MPP4: variants seen among roughly 807,000 people sequenced by gnomAD.
MPP4 encodes the protein MAGUK p55 subfamily member 4.
In MPP4, 91 loss-of-function variants were observed where a neutral mutation model predicts 98.3. The ratio of observed to expected loss-of-function variants is 0.93; its 90% CI spans 0.78 to 1.10. MPP4 has a LOEUF of 1.10. Ranked by LOEUF, MPP4 falls within the 50% of genes least tolerant of loss-of-function variation. The pLI, the probability that MPP4 is intolerant of heterozygous loss-of-function variation, is 0.00. For synonymous variants in MPP4, 261 were observed against 271.8 expected, an observed-to-expected ratio of 0.96 and a Z score of 0.39; for missense variants, 744 against 792.9, an observed-to-expected ratio of 0.94 and a Z score of 0.74.
intron 11 of MPP4, among the ~76,000 whole-genome samples, chr2:201,670,864 C>T (rs1688322214): frequency 6.6e-6 from 1 of 152,184 alleles, no homozygotes; most frequent in African/African-American, 2.4e-5. Flanking sequence ...GTACCCAGCT[C>T]ATCTCACTGG....
Position 201,658,908 on chromosome 2 carries a change from C to T in MPP4, c.1088-390G>A, listed in dbSNP as rs111790415. 1.2e-3 allele frequency among the ~76,000 whole-genome samples: 178 copies of T among 152,086 alleles called. 1 individual carries two copies. The highest frequency in any genetic ancestry group is 4.2e-3 in the African/African-American group (173 of 41,474). On this transcript the variant is annotated intron_variant, in intron 15 of 21. Coordinates refer to ENST00000409474, the MANE Select transcript of MPP4 (RefSeq NM_033066.3). The stretch of plus-strand genomic sequence containing the variant: ...CATAAAGTAGCTTTTTGTTCTTCTC[C>T]CTCCCTGCCTACCCCCCTGCTGTTG...
rs552808697 is a variant in MPP4 at position 201,658,409 on chromosome 2, C to G, written c.1129+68G>C. Reference sequence around the variant, plus strand: ...TCATTAGCAAAAGAAACTTTCAAAACAGTGTCAGGTTTGGAAACATAATTT... The same window carrying G: ...TCATTAGCAAAAGAAACTTTCAAAAGAGTGTCAGGTTTGGAAACATAATTT... On this transcript the variant is annotated intron_variant, in intron 16 of 21. Transcript: ENST00000409474. The G allele has an allele frequency of 2.7e-5, 37 of 1,348,698 alleles. No individual in the cohort carries two copies. The South Asian group carries it at 3.6e-4, about 13-fold the overall frequency. 83.5% of individuals were successfully genotyped at this position (1,348,698 alleles called of 1,614,324 possible). A position where few individuals can be genotyped will look rare whatever the true frequency, so the allele number is the denominator to read the frequency against.
intron 13 of MPP4, chr2:201,664,335 A>G (rs1688107523): frequency 5.6e-6 from 8 of 1,427,604 alleles, no homozygotes; most frequent in Non-Finnish European, 7.5e-6. Context: ...GTGCAGCAGG[A>G]GCTCAAAATA....
chr2:201,681,644 G>T, intron 8 of MPP4, 77 bp from the exon 9 acceptor site: 3 of 1,051,668 alleles, frequency 2.9e-6, no homozygotes, highest in Non-Finnish European at 2.9e-6. Flanking sequence ...CAGAGTTACA[G>T]TGCAATGTAT....
rs1415073193 is a variant in MPP4 at position 201,657,611 on chromosome 2, T to G, written c.1129+866A>C. ...CCTTGTTTTTTTTTTGTTTTTTTGT[T>G]TTTTTTTGCTTATTGTATCAATCAA... is the stretch of plus-strand genomic sequence containing the variant. On this transcript the variant is annotated intron_variant, in intron 16 of 21. Coordinates refer to ENST00000409474, the MANE Select transcript of MPP4 (RefSeq NM_033066.3). 1.3e-4 allele frequency among the ~76,000 whole-genome samples: 14 copies of G among 111,792 alleles called. 1 individual carries two copies. Among genetic ancestry groups the G allele is most frequent in the African/African-American group, 5.2e-4 (14 of 27,138 alleles). The allele number at this position is 111,792 out of a possible 152,430, so 73.3% of individuals were successfully genotyped here.
Position 201,650,173 on chromosome 2 carries a change from A to G in MPP4, c.1382-8T>C, listed in dbSNP as rs1163499750. The G allele has an allele frequency of 6.4e-7, 1 of 1,556,026 alleles. No homozygotes were observed. The highest frequency in any genetic ancestry group is 8.7e-7 in the Non-Finnish European group (1 of 1,149,432). ...TTTTAGTACGAGTAGTGTCTATCAG[A>G]AAAAGGGAATGAAAGGTTTCAGTGT... On this transcript the variant is annotated splice_polypyrimidine_tract_variant and splice_region_variant and intron_variant, in intron 18 of 21. Coordinates refer to ENST00000409474, the MANE Select transcript of MPP4 (RefSeq NM_033066.3).
At chr2:201,688,705 C>G (rs116292421) in intron 4 of MPP4, among the ~76,000 whole-genome samples, 1 of 150,446 alleles carries the variant, frequency 6.6e-6, no homozygotes, top group Non-Finnish European at 1.5e-5. Flanking sequence ...CCTCTACTTC[C>G]TGGGTTCAAG....
At chr2:201,667,472 A>G (rs1559009418) in intron 12 of MPP4, among the ~76,000 whole-genome samples, 2 of 152,270 alleles carry the variant, frequency 1.3e-5, no homozygotes, top group Non-Finnish European at 2.9e-5. Flanking sequence ...TCTTGAAGAC[A>G]GGGACTGCCT....
chr2:201,669,499 A>C (rs1296146962), intron 12 of MPP4, among the ~76,000 whole-genome samples: 1 of 152,198 alleles, frequency 6.6e-6, no homozygotes. Flanking sequence ...TATTCCTCTC[A>C]GTGTTAGGAC....
chr2:201,687,511 ATAAAGCCATCCAT>A (rs1463858173), intron 4 of MPP4, 140 bp from the exon 5 acceptor site: 2 of 622,858 alleles, frequency 3.2e-6, no homozygotes, highest in East Asian at 5.5e-5. Flanking sequence ...TTTTTCATCT[ATAAAGCCATCCAT>A]TAAAGCCTAC....
At chr2:201,669,871 C>T (rs1184717964) in intron 11 of MPP4, 121 bp from the exon 12 acceptor site, 1 of 716,340 alleles carries the variant, frequency 1.4e-6, no homozygotes, top group Admixed American at 4.3e-5. Flanking sequence ...AATTAGTATT[C>T]TGGGTTTATT....
At chr2:201,682,562 G>C (rs2105939943) in intron 8 of MPP4, among the ~76,000 whole-genome samples, 1 of 152,310 alleles carries the variant, frequency 6.6e-6, no homozygotes. Context: ...AGCTGGGCTG[G>C]GGGCCCTGGC....
At position 201,645,032 on chromosome 2, in the gene MPP4, A is replaced by G. The variant is rs114208884; in HGVS notation, c.*178T>C. Reference sequence around the variant, plus strand: ...GGTAAAGGAAAAAAAATTAAGTTAAAATAGGTAACCACATAACCATACAAT... The same window carrying G: ...GGTAAAGGAAAAAAAATTAAGTTAAGATAGGTAACCACATAACCATACAAT... On this transcript the variant is annotated 3_prime_UTR_variant, in exon 22 of 22. Coordinates refer to ENST00000409474, the MANE Select transcript of MPP4 (RefSeq NM_033066.3). The G allele has an allele frequency of 7.9e-3, 3,601 of 456,224 alleles. 138 individuals are homozygous for G. The highest frequency in any genetic ancestry group is 0.065 in the African/African-American group (3,256 of 49,822). The allele number at this position is 456,224 out of a possible 1,614,324, so 28.3% of individuals were successfully genotyped here.
intron 11 of MPP4, among the ~76,000 whole-genome samples, chr2:201,671,288 C>T (rs1480073650): frequency 1.3e-5 from 2 of 152,166 alleles, no homozygotes; most frequent in Non-Finnish European, 2.9e-5. Context: ...ATCCCACCCC[C>T]ACGGAGCCTA....
intron 20 of MPP4, 145 bp downstream of exon 20, chr2:201,649,431 A>G (rs139087135): frequency 2.3e-4 from 137 of 606,208 alleles, no homozygotes; most frequent in African/African-American, 2.2e-3. Flanking sequence ...TTGACACGTT[A>G]AGTAAGATCT....
At position 201,686,066 on chromosome 2, in the gene MPP4, G is replaced by T; in HGVS notation, c.361-16C>A. 1 of 1,608,890 alleles carries T rather than the reference G, an allele frequency of 6.2e-7. No individual in the cohort carries two copies. Among genetic ancestry groups the T allele is most frequent in the Non-Finnish European group, 8.5e-7 (1 of 1,176,132 alleles). On this transcript the variant is annotated splice_polypyrimidine_tract_variant and intron_variant, in intron 5 of 21. Transcript: ENST00000409474. ...TGAGCAAGGCCTGGGCACAGGGAAG[G>T]AAAAGGTGAGCAAATGTCACACATG...
intron 7 of MPP4, 63 bp from the exon 8 acceptor site, chr2:201,682,979 C>T (rs901000889): frequency 1.6e-6 from 2 of 1,253,588 alleles, no homozygotes; most frequent in Admixed American, 1.7e-5. Flanking sequence ...ATAGCAGTAG[C>T]TACCTCGATA....
chr2:201,671,782 A>C (rs915599500), intron 11 of MPP4, among the ~76,000 whole-genome samples: 1 of 152,170 alleles, frequency 6.6e-6, no homozygotes, highest in African/African-American at 2.4e-5. Flanking sequence ...AGAGACTTAG[A>C]CTCCCACACA....
In MPP4 at chr2:201,649,592, A is replaced by G; in HGVS notation, c.1568T>C (p.Met523Thr). Reference protein sequence around the residue: ...TVLVEGKICVMDLEPQDIQGV... With the variant: ...TVLVEGKICVTDLEPQDIQGV... ...TGGACCCACCTGAGGCTCTAGGTCCATGACACAGATCTTTCCTTCGACAAG... is the reference window on the plus strand; with the variant it reads ...TGGACCCACCTGAGGCTCTAGGTCCGTGACACAGATCTTTCCTTCGACAAG... Residue 523 changes from methionine to threonine, a missense_variant, in exon 20 of 22, where the codon ATG (methionine) becomes ACG (threonine). By Grantham distance (81) the Met-to-Thr change is moderately conservative (BLOSUM62 -1). Transcript: ENST00000409474. 1.2e-6 allele frequency: 2 copies of G among 1,604,918 alleles called. No individual in the cohort carries two copies. The highest frequency in any genetic ancestry group is 1.3e-5 in the African/African-American group (1 of 74,964).
Sources: allele counts gnomAD v4.1 joint callset (sites outside exome capture counted in the v4.1 genomes callset), GRCh38; gene constraint gnomAD v4.1.1; transcripts MANE v1.5; gene names NCBI Gene and HGNC (gene_info 2026-07-23, HGNC 2026-07-21).